KCNG1: variants seen among roughly 807,000 people sequenced by gnomAD.
KCNG1 encodes voltage-gated potassium channel regulatory subunit KCNG1.
KCNG1 carries 17 observed loss-of-function variants against 32.4 expected under a neutral mutation model. The ratio of observed to expected loss-of-function variants is 0.52; its 90% confidence interval spans 0.36 to 0.79. The LOEUF (loss-of-function observed/expected upper bound fraction) is 0.79. Among genes scored for constraint, KCNG1 ranks in the 30% least tolerant of loss-of-function variants. The pLI is 0.00. For missense variants in KCNG1, 441 were observed against 735.2 expected, an observed-to-expected ratio of 0.60 and a Z score of 4.63; for synonymous variants, 358 against 339.9, an observed-to-expected ratio of 1.05 and a Z score of -0.59.
rs1296705272 is a variant in KCNG1, at chr20:51,015,030, C to T, written c.-26-4666G>A. The stretch of plus-strand genomic sequence containing the variant: ...AGGTGCAGCAGGGCCGAGGGGCTGA[C>T]AATAAGGAGCTGGGGCTTATTCTGC... On this transcript the variant is annotated intron_variant, in intron 1 of 2. Coordinates refer to ENST00000371571, the MANE Select transcript of KCNG1 (RefSeq NM_002237.4). The surrounding 1 kb of genome is among the most constrained non-coding windows in gnomAD (Gnocchi z 4.4). Among the ~76,000 whole-genome samples, 1 of 151,986 alleles carries T rather than the reference C, an allele frequency of 6.6e-6. No individual in the cohort carries two copies. The highest frequency in any genetic ancestry group is 2.4e-5 in the African/African-American group (1 of 41,364).
chr20:51,004,642 G>A lies in KCNG1; in HGVS notation c.939C>T (p.Tyr313=), dbSNP rs769840699. The change falls in exon 3 of 3, where the codon TAC becomes TAT. Residue 313 remains tyrosine, a synonymous_variant. Transcript: ENST00000371571. This position sits in a 1 kb window ranked among gnomAD's most constrained non-coding sequence, Gnocchi z 4.3. ...LIDLVAILPY[Y]ITLLVDGAAA... is the part of the protein sequence containing the mutation. Reference sequence around the variant, plus strand: ...CGGCGCCGTCCACCAGCAGCGTGATGTAGTAGGGCAGGATGGCCACCAGGT... The same window carrying A: ...CGGCGCCGTCCACCAGCAGCGTGATATAGTAGGGCAGGATGGCCACCAGGT... 16 of 1,600,662 alleles carry A rather than the reference G, an allele frequency of 1.0e-5. No individual in the cohort carries two copies. The highest frequency in any genetic ancestry group is 4.5e-5 in the East Asian group (2 of 44,144).
rs1424401931 is a variant in KCNG1, at chr20:51,004,629, C to A, written c.952G>T (p.Val318Leu). Residue 318 changes from valine to leucine, a missense_variant, in exon 3 of 3, where the codon GTG (valine) becomes TTG (leucine). Coordinates refer to ENST00000371571, the MANE Select transcript of KCNG1 (RefSeq NM_002237.4). This position sits in a 1 kb window ranked among gnomAD's most constrained non-coding sequence, Gnocchi z 4.3. ...CGACGGCCTGCGGCGGCGCCGTCCA[C>A]CAGCAGCGTGATGTAGTAGGGCAGG... is the stretch of plus-strand genomic sequence containing the variant. ...AILPYYITLL[V>L]DGAAAGRRKP... The A allele has an allele frequency of 6.9e-6, 11 of 1,595,242 alleles. No homozygotes were observed. The highest frequency in any genetic ancestry group is 9.4e-6 in the Non-Finnish European group (11 of 1,170,722).
At chr20:51,018,778 G>A (rs967940913) in intron 1 of KCNG1, among the ~76,000 whole-genome samples, 1 of 152,250 alleles carries the variant, frequency 6.6e-6, no homozygotes, top group East Asian at 1.9e-4. Context: ...GGCAATAAGC[G>A]ACAAAGCCAG....
rs1169768999 is a variant in KCNG1, at chr20:51,004,270, G to A, written c.1311C>T (p.Gly437=). The A allele has an allele frequency of 6.2e-7, 1 of 1,613,388 alleles. No homozygotes were observed. The highest frequency in any genetic ancestry group is 2.2e-5 in the East Asian group (1 of 44,842). ...GGATGCTGCTCAGGGCCACTACCTGGCCCGGGGTGCTCCTGGGGACCATGT... is the reference window on the plus strand; with the variant it reads ...GGATGCTGCTCAGGGCCACTACCTGACCCGGGGTGCTCCTGGGGACCATGT... ...YGDMVPRSTP[G]QVVALSSILS... The change falls in exon 3 of 3, where the codon GGC becomes GGT. Residue 437 remains glycine, a synonymous_variant. Coordinates refer to ENST00000371571, the MANE Select transcript of KCNG1 (RefSeq NM_002237.4). The surrounding 1 kb of genome is among the most constrained non-coding windows in gnomAD (Gnocchi z 4.3).
Position 51,010,269 on chromosome 20 carries a change from A to G in KCNG1, c.70T>C (p.Phe24Leu). 6.5e-7 allele frequency: 1 copy of G among 1,529,786 alleles called. No individual in the cohort carries two copies. Among genetic ancestry groups the G allele is most frequent in the Non-Finnish European group, 8.7e-7 (1 of 1,147,680 alleles). 94.8% of individuals were successfully genotyped at this position (1,529,786 alleles called of 1,614,324 possible). Residue 24 changes from phenylalanine (F) to leucine (L), a missense_variant, in exon 2 of 3, where the codon TTC becomes CTC. Transcript: ENST00000371571. ...CGCTGCGGGAGGAAGGCCGGGTGGAAGGAGGCGTCCGAGGTGCAGCTCAGC... is the reference window on the plus strand; with the variant it reads ...CGCTGCGGGAGGAAGGCCGGGTGGAGGGAGGCGTCCGAGGTGCAGCTCAGC... Reference protein sequence around the residue: ...SALSCTSDASFHPAFLPQRQA... With the variant: ...SALSCTSDASLHPAFLPQRQA...
At chr20:51,014,592 C>T (rs762690929) in intron 1 of KCNG1, among the ~76,000 whole-genome samples, 48 of 152,184 alleles carry the variant, frequency 3.2e-4, no homozygotes, top group Admixed American at 1.2e-3. Context: ...AGTTACTGAA[C>T]GCTCACCACG....
At chr20:51,014,462 C>G (rs1039354757) in intron 1 of KCNG1, among the ~76,000 whole-genome samples, 1 of 152,194 alleles carries the variant, frequency 6.6e-6, no homozygotes, top group Admixed American at 6.5e-5. Context: ...GATTTTGCCT[C>G]TGAGGGTCTG....
chr20:51,004,754 ACG>A lies in KCNG1; in HGVS notation c.825_826del (p.Val276GlyfsTer223). 1 of 1,590,016 alleles carries A rather than the reference ACG, an allele frequency of 6.3e-7. No individual in the cohort carries two copies. Among genetic ancestry groups the A allele is most frequent in the Non-Finnish European group, 8.6e-7 (1 of 1,166,852 alleles). On this transcript the variant is annotated frameshift_variant, in exon 3 of 3. Transcript: ENST00000371571. LOFTEE classifies it high-confidence loss of function. This position sits in a 1 kb window ranked among gnomAD's most constrained non-coding sequence, Gnocchi z 4.3. ...GAGGAACTCCAGGGAGAACCAGCCC[ACG>A]CACACCGACTCCACGATGAAGACGT...
Position 51,003,948 on chromosome 20 carries a change from C to T in KCNG1, c.*91G>A. On this transcript the variant is annotated 3_prime_UTR_variant, in exon 3 of 3. Transcript: ENST00000371571. ...GTCGGTGCTGCGCCAGGACTGCACT[C>T]GGAAGCGGCCTGTCCCTCTCCAGGC... The T allele has an allele frequency of 6.9e-7, 1 of 1,451,460 alleles. No individual in the cohort carries two copies. The highest frequency in any genetic ancestry group is 2.3e-5 in the East Asian group (1 of 43,266). The allele number at this position is 1,451,460 out of a possible 1,614,324, so 89.9% of individuals were successfully genotyped here.
intron 1 of KCNG1, among the ~76,000 whole-genome samples, chr20:51,014,460 C>T (rs555431368): frequency 2.0e-5 from 3 of 152,288 alleles, no homozygotes; most frequent in South Asian, 4.1e-4. Flanking sequence ...GTGATTTTGC[C>T]TCTGAGGGTC....
intron 1 of KCNG1, among the ~76,000 whole-genome samples, chr20:51,019,452 G>C (rs901665210): frequency 3.9e-5 from 6 of 152,050 alleles, no homozygotes; most frequent in African/African-American, 4.8e-5. Flanking sequence ...TCAAGGCTGT[G>C]GTGGGCCATG....
At chr20:51,006,308 A>G (rs1987826706) in intron 2 of KCNG1, 1 of 152,270 alleles carries the variant, frequency 6.6e-6, no homozygotes, top group Non-Finnish European at 1.5e-5. Flanking sequence ...AGCAAGTATC[A>G]GAAGTTGAAC....
At chr20:51,022,396 G>A (rs1458892985) in intron 1 of KCNG1, among the ~76,000 whole-genome samples, 1 of 152,180 alleles carries the variant, frequency 6.6e-6, no homozygotes, top group Admixed American at 6.5e-5. Context: ...ATAAACGCTT[G>A]CTGTGTTCAT....
chr20:51,021,870 C>T (rs1988495966), intron 1 of KCNG1, among the ~76,000 whole-genome samples: 1 of 152,030 alleles, frequency 6.6e-6, no homozygotes. Context: ...CCTACCCCAT[C>T]ACCCGCCCCT....
intron 1 of KCNG1, among the ~76,000 whole-genome samples, chr20:51,010,862 T>C (rs1215586628): frequency 6.6e-6 from 1 of 151,024 alleles, no homozygotes; most frequent in East Asian, 1.9e-4. Context: ...GCCACTGCAC[T>C]CCATCCTGGG....
chr20:51,010,863 C>G (rs1454417540), intron 1 of KCNG1, among the ~76,000 whole-genome samples: 1 of 151,868 alleles, frequency 6.6e-6, no homozygotes, highest in African/African-American at 2.4e-5. Context: ...CCACTGCACT[C>G]CATCCTGGGT....
chr20:51,013,299 TAAAAC>T (rs778536408), intron 1 of KCNG1, among the ~76,000 whole-genome samples: 4 of 150,986 alleles, frequency 2.6e-5, no homozygotes, highest in Non-Finnish European at 5.9e-5. Context: ...AGACTCTGTC[TAAAAC>T]AAAACAAAAC....
chr20:51,007,934 A>G (rs1444368118), intron 2 of KCNG1: 2 of 152,164 alleles, frequency 1.3e-5, no homozygotes, highest in Non-Finnish European at 2.9e-5. Flanking sequence ...TACTTCCTCC[A>G]CATACATAAG....
intron 1 of KCNG1, chr20:51,013,706 G>A (rs1988178187): frequency 6.6e-6 from 1 of 152,174 alleles, no homozygotes; most frequent in Non-Finnish European, 1.5e-5. Flanking sequence ...GATTTTAGAT[G>A]GTTAGAGTGT....
Sources: allele counts gnomAD v4.1 joint callset (sites outside exome capture counted in the v4.1 genomes callset), GRCh38; gene constraint gnomAD v4.1.1; non-coding constraint Gnocchi (gnomAD v3.1); transcripts MANE v1.5; gene names NCBI Gene and HGNC (gene_info 2026-07-23, HGNC 2026-07-21).